PPP1R9A: variants seen among roughly 807,000 people sequenced by gnomAD.
PPP1R9A encodes the protein neurabin-1.
A neutral mutation model predicts 141.9 loss-of-function variants in PPP1R9A; 59 were observed. That is an observed-to-expected ratio of 0.42 (90% CI 0.34 to 0.52). PPP1R9A has a LOEUF of 0.52. Among genes scored for constraint, PPP1R9A ranks in the 20% least tolerant of loss-of-function variants. The pLI is 0.10. For synonymous variants in PPP1R9A, 500 were observed against 569.7 expected, an observed-to-expected ratio of 0.88 and a Z score of 1.74; for missense variants, 1,444 against 1,611.9, an observed-to-expected ratio of 0.90 and a Z score of 1.78.
chr7:95,042,212 A>G (rs1563157707), intron 2 of PPP1R9A, among the ~76,000 whole-genome samples: 1 of 152,142 alleles, frequency 6.6e-6, no homozygotes, highest in South Asian at 2.1e-4. Flanking sequence ...GTTTTCCAGG[A>G]GGTGTGGAGT....
intron 2 of PPP1R9A, among the ~76,000 whole-genome samples, chr7:95,010,261 G>A (rs990603351): frequency 1.3e-5 from 2 of 151,960 alleles, no homozygotes; most frequent in African/African-American, 4.8e-5. Context: ...AAAAATAGCT[G>A]GGCATGGTGG....
In PPP1R9A at chr7:95,295,265, AT is replaced by A. The variant is rs1806952598; in HGVS notation, c.*4969del. On this transcript the variant is annotated 3_prime_UTR_variant, in exon 20 of 20. Coordinates refer to ENST00000433360, the MANE Select transcript of PPP1R9A (RefSeq NM_001166160.2). ...TTGAATGGCTCATAGATTTTAAGAG[AT>A]TTTTTTATTGTAAGTATTTCTACTA... 6.6e-6 allele frequency: 1 copy of A among 152,444 alleles called. No individual in the cohort carries two copies. The highest frequency in any genetic ancestry group is 1.5e-5 in the Non-Finnish European group (1 of 68,008). 9.4% of individuals were successfully genotyped at this position (152,444 alleles called of 1,614,324 possible). A position where few individuals can be genotyped will look rare whatever the true frequency, so the allele number is the denominator to read the frequency against.
At chr7:95,044,403 A>G (rs973605902) in intron 2 of PPP1R9A, among the ~76,000 whole-genome samples, 2 of 152,242 alleles carry the variant, frequency 1.3e-5, no homozygotes, top group African/African-American at 2.4e-5. Flanking sequence ...CCCATGCAGT[A>G]TCATTTGCAA....
chr7:94,937,416 C>T (rs562091164), intron 2 of PPP1R9A, among the ~76,000 whole-genome samples: 25 of 152,314 alleles, frequency 1.6e-4, no homozygotes, highest in African/African-American at 5.8e-4. Context: ...GAACTTGAAA[C>T]TTGAAAATCA....
chr7:95,058,413 T>G (rs1811777711), intron 2 of PPP1R9A, among the ~76,000 whole-genome samples: 1 of 152,134 alleles, frequency 6.6e-6, no homozygotes, highest in African/African-American at 2.4e-5. Context: ...TGGCAGCTTC[T>G]TTGTTGTAAT....
At chr7:95,264,841 C>T (rs535050631) in intron 12 of PPP1R9A, among the ~76,000 whole-genome samples, 3 of 151,984 alleles carry the variant, frequency 2.0e-5, no homozygotes, top group African/African-American at 7.3e-5. Context: ...TTCCGCTGAC[C>T]CTTATGGACA....
chr7:94,919,553 C>T (rs1792526258), intron 2 of PPP1R9A, among the ~76,000 whole-genome samples: 2 of 152,014 alleles, frequency 1.3e-5, no homozygotes, highest in South Asian at 2.1e-4. Context: ...TAATCTGATG[C>T]TTATTTCTAT....
At chr7:95,229,584 C>T (rs1795626704) in intron 8 of PPP1R9A, among the ~76,000 whole-genome samples, 1 of 152,052 alleles carries the variant, frequency 6.6e-6, no homozygotes, top group Admixed American at 6.6e-5. Flanking sequence ...CTGGGAACCA[C>T]AACCTCCTCC....
intron 2 of PPP1R9A, among the ~76,000 whole-genome samples, chr7:95,110,227 G>A (rs957587699): frequency 5.3e-5 from 8 of 152,138 alleles, no homozygotes; most frequent in East Asian, 1.9e-4. Context: ...CAAATGTAAA[G>A]TGTCCATAGA....
In PPP1R9A at chr7:95,111,315, T is replaced by G; in HGVS notation, c.1452T>G (p.Pro484=). ...DYDRRNDEVD[P]VAASAEYELE... is the part of the protein sequence containing the mutation. The stretch of plus-strand genomic sequence containing the variant: ...ACAGGAGAAATGACGAAGTTGACCC[T>G]GTGGCTGCTTCAGCTGAGTATGAAC... The change falls in exon 3 of 20, where the codon CCT becomes CCG. Residue 484 remains proline, a synonymous_variant. Transcript: ENST00000433360. 1 of 1,612,938 alleles carries G rather than the reference T, an allele frequency of 6.2e-7. No homozygotes were observed. Among genetic ancestry groups the G allele is most frequent in the Non-Finnish European group, 8.5e-7 (1 of 1,179,152 alleles).
chr7:95,172,367 A>G (rs1041846711), intron 5 of PPP1R9A, among the ~76,000 whole-genome samples: 18 of 151,850 alleles, frequency 1.2e-4, no homozygotes, highest in African/African-American at 4.1e-4. Flanking sequence ...AGAAAATCCT[A>G]AAGTATCTAC....
intron 2 of PPP1R9A, among the ~76,000 whole-genome samples, chr7:95,058,776 GTTTTC>G (rs895769451): frequency 4.2e-4 from 64 of 151,734 alleles, no homozygotes; most frequent in Middle Eastern, 3.2e-3. Context: ...CAAAGCTTTA[GTTTTC>G]TTTTCTTTTC....
intron 2 of PPP1R9A, among the ~76,000 whole-genome samples, chr7:95,006,834 T>C (rs1457566599): frequency 6.6e-6 from 1 of 152,030 alleles, no homozygotes; most frequent in African/African-American, 2.4e-5. Flanking sequence ...TTTCCCTGCC[T>C]GATCTTTTTT....
chr7:95,203,223 G>A (rs1369937848), intron 6 of PPP1R9A, among the ~76,000 whole-genome samples: 3 of 151,852 alleles, frequency 2.0e-5, no homozygotes, highest in African/African-American at 7.3e-5. Flanking sequence ...TCATGGGTAT[G>A]GTTTTTTATT....
intron 4 of PPP1R9A, among the ~76,000 whole-genome samples, chr7:95,133,973 A>G (rs1260020621): frequency 6.6e-6 from 1 of 152,128 alleles, no homozygotes; most frequent in Admixed American, 6.5e-5. Context: ...ATGAGCCACA[A>G]CACTCGGCCC....
At chr7:94,919,943 T>G (rs2150701945) in intron 2 of PPP1R9A, among the ~76,000 whole-genome samples, 1 of 152,306 alleles carries the variant, frequency 6.6e-6, no homozygotes, top group African/African-American at 2.4e-5. Flanking sequence ...ATCACTAAGA[T>G]TGTTTCTCGG....
chr7:95,104,716 GGGAAGAAAA>G (rs1405634102), intron 2 of PPP1R9A, among the ~76,000 whole-genome samples: 21 of 152,228 alleles, frequency 1.4e-4, no homozygotes, highest in Non-Finnish European at 2.8e-4. Flanking sequence ...CTTAATTTGG[GGGAAGAAAA>G]GGAAAGTTGA....
intron 14 of PPP1R9A, among the ~76,000 whole-genome samples, chr7:95,269,901 GA>G (rs1194170707): frequency 6.6e-6 from 1 of 151,972 alleles, no homozygotes; most frequent in Non-Finnish European, 1.5e-5. Context: ...AGTCATATAG[GA>G]AAAAAAGACG....
chr7:95,101,958 G>A (rs1161565849), intron 2 of PPP1R9A, among the ~76,000 whole-genome samples: 1 of 152,134 alleles, frequency 6.6e-6, no homozygotes, highest in Non-Finnish European at 1.5e-5. Flanking sequence ...CATCCAGCCT[G>A]TTAATGCTCT....
Sources: gnomAD v4.1 joint callset for allele counts (sites outside exome capture counted in the v4.1 genomes callset) on GRCh38, gnomAD v4.1.1 for gene constraint, MANE v1.5 for transcripts, NCBI Gene and HGNC (gene_info 2026-07-23, HGNC 2026-07-21) for gene names.